Variants in STPG2 observed in about 807,000 individuals in gnomAD.
STPG2 encodes sperm tail PG-rich repeat containing 2.
STPG2 carries 56 observed loss-of-function variants against 54.2 expected under a neutral mutation model. The observed-to-expected ratio is 1.03, with a 90% CI of 0.83 to 1.29. The LOEUF is 1.29. Among genes scored for constraint, STPG2 ranks in the 50% most tolerant of loss-of-function variants. STPG2 has a pLI of 0.00. For missense variants in STPG2, 596 were observed against 544.9 expected (o/e 1.09, Z -0.93); for synonymous variants, 200 against 181.8 (o/e 1.10, Z -0.81).
At chr4:97,804,152 C>T (rs1419020657) in intron 9 of STPG2, among the ~76,000 whole-genome samples, 1 of 152,150 alleles carries the variant, frequency 6.6e-6, no homozygotes, top group African/African-American at 2.4e-5. Flanking sequence ...CCAATTAATT[C>T]TCATCATAAT....
chr4:97,472,191 A>G (rs1032951961), intron 4 of STPG2, among the ~76,000 whole-genome samples: 8 of 152,194 alleles, frequency 5.3e-5, no homozygotes, highest in Admixed American at 2.6e-4. Context: ...GAGAACCACA[A>G]CTTAGTGGGG....
At position 97,765,438 on chromosome 4, in the gene STPG2, C is replaced by A. The variant is rs577065349; in HGVS notation, c.1205-52624G>T. Among the ~76,000 whole-genome samples the A allele has an allele frequency of 3.3e-5, 5 of 152,144 alleles. No individual in the cohort carries two copies. The East Asian group carries it at 5.8e-4, about 18-fold the overall frequency. On this transcript the variant is annotated intron_variant, in intron 9 of 10. Transcript: ENST00000295268. ...TCCCAGTGGGAGGTTTATATTTTCC[C>A]ACCCCATCAATGATAGATTTGGACA...
At chr4:97,720,200 A>C (rs1724406045) in intron 9 of STPG2, among the ~76,000 whole-genome samples, 1 of 151,940 alleles carries the variant, frequency 6.6e-6, no homozygotes, top group Non-Finnish European at 1.5e-5. Context: ...TAGCCATGTG[A>C]CCTTGATTAA....
intron 8 of STPG2, among the ~76,000 whole-genome samples, chr4:97,932,762 A>G (rs1732598894): frequency 1.3e-5 from 2 of 152,208 alleles, no homozygotes; most frequent in African/African-American, 4.8e-5. Context: ...TATCCAGTCC[A>G]TCATTGATGG....
intron 9 of STPG2, among the ~76,000 whole-genome samples, chr4:97,760,529 T>C (rs1391742716): frequency 1.3e-5 from 2 of 152,188 alleles, no homozygotes; most frequent in South Asian, 4.1e-4. Context: ...GGTTGAAATA[T>C]ATAGTCTTTA....
chr4:98,014,556 A>G (rs772900153), intron 5 of STPG2, among the ~76,000 whole-genome samples: 1 of 152,150 alleles, frequency 6.6e-6, no homozygotes, highest in Non-Finnish European at 1.5e-5. Flanking sequence ...CCCTGTGCAC[A>G]TAACTGTTTA....
chr4:97,788,690 C>T (rs1726898273), intron 9 of STPG2, among the ~76,000 whole-genome samples: 1 of 152,098 alleles, frequency 6.6e-6, no homozygotes, highest in South Asian at 2.1e-4. Context: ...ATATTCCCAC[C>T]AACAGTGTAC....
intron 4 of STPG2, among the ~76,000 whole-genome samples, chr4:97,499,516 C>A (rs1252457113): frequency 6.6e-6 from 1 of 151,688 alleles, no homozygotes; most frequent in Non-Finnish European, 1.5e-5. Flanking sequence ...AAGTAAATTT[C>A]CTTTAATTTT....
At chr4:97,599,390 T>G (rs1733394096) in intron 10 of STPG2, among the ~76,000 whole-genome samples, 1 of 152,194 alleles carries the variant, frequency 6.6e-6, no homozygotes, top group Non-Finnish European at 1.5e-5. Context: ...GCAATCCCAT[T>G]ATTGGGTATG....
At chr4:97,443,383 G>A (rs955252178) in intron 4 of STPG2, among the ~76,000 whole-genome samples, 6 of 152,114 alleles carry the variant, frequency 3.9e-5, no homozygotes, top group Admixed American at 1.3e-4. Context: ...TTCTGGCATC[G>A]TGTCATGTTC....
intron 9 of STPG2, among the ~76,000 whole-genome samples, chr4:97,818,581 C>T (rs572686909): frequency 3.6e-4 from 54 of 151,890 alleles, no homozygotes; most frequent in Admixed American, 7.9e-4. Context: ...TTCAATTTTT[C>T]TTGGCACTTA....
intron 6 of STPG2, 84 bp from the exon 7 acceptor site, chr4:97,972,524 T>A (rs1276414975): frequency 2.5e-6 from 2 of 800,454 alleles, no homozygotes; most frequent in African/African-American, 3.6e-5. Flanking sequence ...AATTAAGGGT[T>A]TTTTTCTAAA....
intron 4 of STPG2, among the ~76,000 whole-genome samples, chr4:97,493,254 C>T (rs975139091): frequency 2.0e-5 from 3 of 151,178 alleles, no homozygotes; most frequent in African/African-American, 7.3e-5. Flanking sequence ...AAAACAGAAC[C>T]CAGCCCAGCC....
intron 8 of STPG2, among the ~76,000 whole-genome samples, chr4:97,920,316 T>C (rs1053401389): frequency 1.3e-5 from 2 of 152,204 alleles, no homozygotes; most frequent in Non-Finnish European, 2.9e-5. Context: ...TCTCTACAAC[T>C]TTGAGCTGTA....
intron 4 of STPG2, among the ~76,000 whole-genome samples, chr4:97,549,590 T>C (rs1369277501): frequency 6.6e-6 from 1 of 152,180 alleles, no homozygotes; most frequent in Non-Finnish European, 1.5e-5. Flanking sequence ...AAAGGGTCTT[T>C]GCAGGTATAA....
intron 10 of STPG2, among the ~76,000 whole-genome samples, chr4:97,686,791 T>C (rs542386206): frequency 6.6e-6 from 1 of 152,254 alleles, no homozygotes; most frequent in Non-Finnish European, 1.5e-5. Flanking sequence ...CGGTAGTAAA[T>C]CCATTGCACT....
chr4:97,563,002 G>A (rs1250952499), intron 10 of STPG2, among the ~76,000 whole-genome samples: 1 of 152,166 alleles, frequency 6.6e-6, no homozygotes, highest in Admixed American at 6.5e-5. Context: ...GATAGGAATA[G>A]TTTCAGAAGG....
chr4:97,487,644 T>C (rs1224222323), intron 4 of STPG2, among the ~76,000 whole-genome samples: 1 of 151,510 alleles, frequency 6.6e-6, no homozygotes, highest in Non-Finnish European at 1.5e-5. Context: ...ATGAGGCTTT[T>C]TACACTTGAT....
rs191831077 is a variant in STPG2 at position 97,869,965 on chromosome 4, A to C, written c.1045-29033T>G. Among the ~76,000 whole-genome samples, 9 of 151,684 alleles carry C rather than the reference A, an allele frequency of 5.9e-5. No homozygotes were observed. In the East Asian group the frequency reaches 1.7e-3, roughly 29 times the overall value. The stretch of plus-strand genomic sequence containing the variant: ...TCCACTTGCAATTCAGTGCTCTGTA[A>C]ATTACATCTTCCTTCATTTAAAATT... On this transcript the variant is annotated intron_variant, in intron 8 of 10. Coordinates refer to ENST00000295268, the MANE Select transcript of STPG2 (RefSeq NM_174952.3).
Sources: gnomAD v4.1 joint callset for allele counts (sites outside exome capture counted in the v4.1 genomes callset) on GRCh38, gnomAD v4.1.1 for gene constraint, MANE v1.5 for transcripts, NCBI Gene and HGNC (gene_info 2026-07-23, HGNC 2026-07-21) for gene names.